The following COL11A1 variants were observed in gnomAD, a reference collection of about 807,000 sequenced individuals.
COL11A1 encodes the protein collagen alpha-1(XI) chain.
A neutral mutation model predicts 265.2 loss-of-function variants in COL11A1; 74 were observed. The ratio of observed to expected loss-of-function variants is 0.28; its 90% CI spans 0.23 to 0.34. COL11A1 has a LOEUF of 0.34. Ranked by LOEUF, COL11A1 falls within the 10% of genes least tolerant of loss-of-function variation. The pLI is 1.00. For synonymous variants in COL11A1, 816 were observed against 727.6 expected, an observed-to-expected ratio of 1.12 and a Z score of -1.96; for missense variants, 2,165 against 2,263.6, an observed-to-expected ratio of 0.96 and a Z score of 0.88.
chr1:103,045,970 G>A (rs1669228214), intron 4 of COL11A1, among the ~76,000 whole-genome samples: 1 of 151,166 alleles, frequency 6.6e-6, no homozygotes, highest in Admixed American at 6.6e-5. Context: ...TGGCTGCATA[G>A]TATTCCATGG....
At chr1:102,919,422 C>A (rs1655717301) in intron 49 of COL11A1, among the ~76,000 whole-genome samples, 1 of 151,462 alleles carries the variant, frequency 6.6e-6, no homozygotes, top group Non-Finnish European at 1.5e-5. Flanking sequence ...ATATAAAATA[C>A]ACAAAAAACT....
intron 65 of COL11A1, 61 bp from the exon 66 acceptor site, chr1:102,879,977 A>T: frequency 9.1e-7 from 1 of 1,104,358 alleles, no homozygotes; most frequent in African/African-American, 1.5e-5. Flanking sequence ...GCTACAAAGA[A>T]TTAAATCACT....
intron 5 of COL11A1, among the ~76,000 whole-genome samples, chr1:103,028,005 G>GT (rs892108828): frequency 1.5e-4 from 22 of 151,720 alleles, no homozygotes; most frequent in Non-Finnish European, 2.7e-4. Flanking sequence ...ACATCTTTCT[G>GT]TTTTTTGTTT....
chr1:102,931,332 G>T (rs1385511936), intron 46 of COL11A1, among the ~76,000 whole-genome samples: 5 of 148,318 alleles, frequency 3.4e-5, no homozygotes, highest in Non-Finnish European at 6.0e-5. Context: ...CTTTATTTCT[G>T]CCTTCATTTT....
chr1:102,883,377 T>C lies in COL11A1; in HGVS notation c.4859-66A>G. The C allele has an allele frequency of 3.0e-6, 3 of 992,902 alleles. No individual in the cohort carries two copies. In the Admixed American group the frequency reaches 5.1e-5, roughly 17 times the overall value. The allele number at this position is 992,902 out of a possible 1,614,324, so 61.5% of individuals were successfully genotyped here. A position where few individuals can be genotyped will look rare whatever the true frequency, so the allele number is the denominator to read the frequency against. ...ACATCATTGTTGAATGCATTAGATG[T>C]CAAATTTTGTTAGAAAGAGAAATAA... is the stretch of plus-strand genomic sequence containing the variant. On this transcript the variant is annotated intron_variant, in intron 63 of 66. Coordinates refer to ENST00000370096, the MANE Select transcript of COL11A1 (RefSeq NM_001854.4).
chr1:102,988,704 A>G (rs1467703470), intron 29 of COL11A1, among the ~76,000 whole-genome samples: 1 of 152,182 alleles, frequency 6.6e-6, no homozygotes, highest in Non-Finnish European at 1.5e-5. Context: ...CATATCATAT[A>G]TGACATTAAA....
chr1:102,935,346 C>A (rs889503079), intron 44 of COL11A1, among the ~76,000 whole-genome samples: 7 of 152,248 alleles, frequency 4.6e-5, no homozygotes, highest in African/African-American at 1.7e-4. Flanking sequence ...AAAACACTCT[C>A]ATTTGTAATG....
intron 1 of COL11A1, among the ~76,000 whole-genome samples, chr1:103,089,898 G>T (rs956869442): frequency 5.9e-5 from 9 of 152,314 alleles, no homozygotes; most frequent in African/African-American, 2.2e-4. Context: ...GGCCGAGGTG[G>T]GTGGATCACG....
chr1:102,989,474 T>C (rs1663908589), intron 29 of COL11A1, 44 bp downstream of exon 29: 10 of 1,210,338 alleles, frequency 8.3e-6, no homozygotes, highest in Non-Finnish European at 1.2e-5. Context: ...AATATATATA[T>C]ATATTAAATT....
At chr1:103,091,550 A>G (rs910393205) in intron 1 of COL11A1, among the ~76,000 whole-genome samples, 1 of 152,100 alleles carries the variant, frequency 6.6e-6, no homozygotes, top group African/African-American at 2.4e-5. Context: ...TTGTAAGATT[A>G]TATATGAAGC....
intron 46 of COL11A1, among the ~76,000 whole-genome samples, chr1:102,931,768 T>G (rs375059389): frequency 2.6e-5 from 4 of 151,966 alleles, no homozygotes; most frequent in Non-Finnish European, 2.9e-5. Context: ...TTATGAATCT[T>G]GGTGCTCCTG....
At chr1:102,930,979 C>T (rs1455607893) in intron 46 of COL11A1, among the ~76,000 whole-genome samples, 3 of 149,600 alleles carry the variant, frequency 2.0e-5, no homozygotes, top group African/African-American at 7.3e-5. Flanking sequence ...TGATTCTTCT[C>T]TCTTTTTTTC....
At chr1:103,075,671 G>A (rs1172992667) in intron 3 of COL11A1, among the ~76,000 whole-genome samples, 1 of 151,818 alleles carries the variant, frequency 6.6e-6, no homozygotes, top group African/African-American at 2.4e-5. Context: ...CTGCAAGCCA[G>A]TCTGGTTTAT....
intron 4 of COL11A1, among the ~76,000 whole-genome samples, chr1:103,043,296 A>C (rs186273900): frequency 6.6e-6 from 1 of 151,188 alleles, no homozygotes; most frequent in Non-Finnish European, 1.5e-5. Context: ...CCAAACAGTA[A>C]GTTTAAGGAT....
At chr1:103,033,048 C>T (rs1012729816) in intron 4 of COL11A1, among the ~76,000 whole-genome samples, 1 of 152,038 alleles carries the variant, frequency 6.6e-6, no homozygotes. Context: ...CTTTTCCTGG[C>T]CCCTTGTAAA....
At chr1:103,075,520 T>C (rs1671906382) in intron 3 of COL11A1, among the ~76,000 whole-genome samples, 1 of 152,110 alleles carries the variant, frequency 6.6e-6, no homozygotes, top group South Asian at 2.1e-4. Context: ...CCAGCTAATT[T>C]AGAGCAGTGA....
At chr1:103,009,119 T>A (rs1341830814) in intron 14 of COL11A1, among the ~76,000 whole-genome samples, 1 of 152,158 alleles carries the variant, frequency 6.6e-6, no homozygotes, top group African/African-American at 2.4e-5. Flanking sequence ...TACATTTACA[T>A]AATTAAGAAG....
intron 4 of COL11A1, among the ~76,000 whole-genome samples, chr1:103,070,532 T>C (rs12076769): frequency 0.067 from 10,246 of 151,798 alleles, 370 homozygotes; most frequent in Non-Finnish European, 0.078. Flanking sequence ...TACTTCATGA[T>C]TGTCTGGGGT....
chr1:102,902,734 A>G (rs1047369646), intron 54 of COL11A1, among the ~76,000 whole-genome samples: 3 of 151,636 alleles, frequency 2.0e-5, no homozygotes, highest in Admixed American at 2.0e-4. Flanking sequence ...CTATACATTT[A>G]TATTAGAATT....
Sources: gnomAD v4.1 joint callset for allele counts (sites outside exome capture counted in the v4.1 genomes callset) on GRCh38, gnomAD v4.1.1 for gene constraint, MANE v1.5 for transcripts, NCBI Gene and HGNC (gene_info 2026-07-23, HGNC 2026-07-21) for gene names.